DHRSX: variants seen among roughly 807,000 people sequenced by gnomAD.
DHRSX encodes polyprenol dehydrogenase.
In DHRSX, 31 loss-of-function variants were observed where a neutral mutation model predicts 34.0. That is an observed-to-expected ratio of 0.91 (90% CI 0.69 to 1.23). The LOEUF (loss-of-function observed/expected upper bound fraction) is 1.23. Among genes scored for constraint, DHRSX ranks in the 50% most tolerant of loss-of-function variants. The pLI, the probability that DHRSX is intolerant of heterozygous loss-of-function variation, is 0.00. For synonymous variants in DHRSX, 201 were observed against 183.8 expected (o/e 1.09, Z -0.76); for missense variants, 414 against 428.1 (o/e 0.97, Z 0.29).
chrX:2,343,493 AC>A (rs2042665209), intron 3 of DHRSX, among the ~76,000 whole-genome samples: 1 of 152,206 alleles, frequency 6.6e-6, no homozygotes, highest in Non-Finnish European at 1.5e-5. Flanking sequence ...TAAGGACACA[AC>A]CAAACACCCT....
At chrX:2,427,928 A>AT (rs1189604805) in intron 1 of DHRSX, among the ~76,000 whole-genome samples, 12 of 152,318 alleles carry the variant, frequency 7.9e-5, no homozygotes, top group African/African-American at 2.4e-4. Flanking sequence ...CACAGCCATG[A>AT]AAAGGAATGA....
At chrX:2,315,312 T>C (rs772361149) in intron 3 of DHRSX, among the ~76,000 whole-genome samples, 3 of 152,168 alleles carry the variant, frequency 2.0e-5, no homozygotes, top group African/African-American at 7.2e-5. Context: ...CCAGTCCAGT[T>C]TGGCAACAAA....
At chrX:2,390,109 A>G (rs2124620094) in intron 3 of DHRSX, among the ~76,000 whole-genome samples, 1 of 150,428 alleles carries the variant, frequency 6.6e-6, no homozygotes, top group African/African-American at 2.4e-5. Flanking sequence ...TTAATTGTGG[A>G]AAAATACACA....
chrX:2,365,584 T>C (rs1467590623), intron 3 of DHRSX, among the ~76,000 whole-genome samples: 2 of 152,150 alleles, frequency 1.3e-5, no homozygotes, highest in African/African-American at 2.4e-5. Flanking sequence ...AAATTTTACC[T>C]TGGGGCTACC....
At chrX:2,446,216 TA>T (rs1224202963) in intron 1 of DHRSX, among the ~76,000 whole-genome samples, 3 of 151,792 alleles carry the variant, frequency 2.0e-5, no homozygotes, top group Non-Finnish European at 2.9e-5. Flanking sequence ...ATGTACACAC[TA>T]AAAATGTTCC....
At chrX:2,465,691 C>A (rs2044482029) in intron 1 of DHRSX, among the ~76,000 whole-genome samples, 1 of 151,606 alleles carries the variant, frequency 6.6e-6, no homozygotes, top group African/African-American at 2.4e-5. Context: ...CACTTACAAT[C>A]CCAGCTACTC....
intron 1 of DHRSX, among the ~76,000 whole-genome samples, chrX:2,445,998 G>A (rs2044128144): frequency 1.3e-5 from 2 of 151,314 alleles, no homozygotes. Context: ...CCCTAAGAAT[G>A]CAGCCAAGGG....
chrX:2,308,533 G>A, intron 3 of DHRSX, among the ~76,000 whole-genome samples: 1 of 152,238 alleles, frequency 6.6e-6, no homozygotes, highest in South Asian at 2.1e-4. Context: ...GGAACAAGGA[G>A]GATCATCGCC....
intron 6 of DHRSX, among the ~76,000 whole-genome samples, chrX:2,240,430 G>A (rs2016114549): frequency 2.0e-5 from 3 of 151,910 alleles, no homozygotes; most frequent in Admixed American, 6.6e-5. Flanking sequence ...CATTGGGGGC[G>A]GGCAGCTCAT....
intron 3 of DHRSX, among the ~76,000 whole-genome samples, chrX:2,341,803 G>GT (rs1395546972): frequency 3.2e-5 from 1 of 31,330 alleles, no homozygotes; most frequent in Non-Finnish European, 1.1e-4. Flanking sequence ...AAGTTTTTTT[G>GT]TTTGTTTTGT....
In DHRSX at chrX:2,341,953, C is replaced by T. The variant is rs188919218; in HGVS notation, c.287-50350G>A. ...CCAAGTATCTGGGACTACAGATGCC[C>T]GCTACCACTCCCGGCTAATTTTTTG... On this transcript the variant is annotated intron_variant, in intron 3 of 6. Coordinates refer to ENST00000334651, the MANE Select transcript of DHRSX (RefSeq NM_145177.3). Among the ~76,000 whole-genome samples the T allele has an allele frequency of 6.2e-3, 948 of 152,144 alleles. 8 individuals are homozygous for T. Among genetic ancestry groups the T allele is most frequent in the Non-Finnish European group, 8.9e-3 (605 of 68,002 alleles).
intron 1 of DHRSX, among the ~76,000 whole-genome samples, chrX:2,427,279 G>A (rs1191768628): frequency 6.6e-6 from 1 of 152,206 alleles, no homozygotes; most frequent in Non-Finnish European, 1.5e-5. Context: ...CATGGAAGGA[G>A]GGAAGAGAGG....
intron 1 of DHRSX, among the ~76,000 whole-genome samples, chrX:2,496,154 T>G (rs1187787008): frequency 6.6e-6 from 1 of 152,222 alleles, no homozygotes; most frequent in Non-Finnish European, 1.5e-5. Context: ...GTATTACATA[T>G]TTCAAAATAG....
rs2043106746 is a variant in DHRSX, at chrX:2,373,650, GGTT to G, written c.286+35092_286+35094del. On this transcript the variant is annotated intron_variant, in intron 3 of 6. Coordinates refer to ENST00000334651, the MANE Select transcript of DHRSX (RefSeq NM_145177.3). ...TATCAGGTTGGAGAAAAGGGGAAGG[GGTT>G]GTTGTATCTGGAGCTGAAGTTTTCA... Among the ~76,000 whole-genome samples the G allele has an allele frequency of 2.0e-5, 3 of 152,260 alleles. No individual in the cohort carries two copies. The East Asian group carries it at 5.8e-4, about 29-fold the overall frequency.
chrX:2,408,752 G>A lies in DHRSX; in HGVS notation c.279C>T (p.Asn93=), dbSNP rs758628981. ...TGGAGTATCTCTCGGTACCTTTGTC[G>A]TTCAAGGTTTCTTCTTTTATTTTGC... ...VVSKIKEETL[N]DKVEFLYCDL... is the part of the protein sequence containing the mutation. Residue 93 remains asparagine (N), a synonymous_variant, in exon 3 of 7, where the codon AAC becomes AAT. Coordinates refer to ENST00000334651, the MANE Select transcript of DHRSX (RefSeq NM_145177.3). 27 of 1,610,370 alleles carry A rather than the reference G, an allele frequency of 1.7e-5. No individual in the cohort carries two copies. Among genetic ancestry groups the A allele is most frequent in the Admixed American group, 1.5e-4 (9 of 59,392 alleles).
chrX:2,234,778 C>A (rs759388586), intron 6 of DHRSX, among the ~76,000 whole-genome samples: 1 of 152,226 alleles, frequency 6.6e-6, no homozygotes, highest in South Asian at 2.1e-4. Context: ...TGGCACGATC[C>A]CGGCTTACTG....
chrX:2,327,673 C>T (rs1445863792), intron 3 of DHRSX, among the ~76,000 whole-genome samples: 13 of 152,266 alleles, frequency 8.5e-5, no homozygotes, highest in Non-Finnish European at 1.6e-4. Context: ...AAAGCCCTAA[C>T]GCCCAGGACC....
At chrX:2,456,487 G>A (rs1368934490) in intron 1 of DHRSX, among the ~76,000 whole-genome samples, 2 of 151,778 alleles carry the variant, frequency 1.3e-5, no homozygotes, top group Admixed American at 6.6e-5. Context: ...GGTGGCAGGT[G>A]CCTGTAATCC....
chrX:2,435,048 GGGGTTC>G, intron 1 of DHRSX, among the ~76,000 whole-genome samples: 2 of 150,406 alleles, frequency 1.3e-5, no homozygotes, highest in Non-Finnish European at 3.0e-5. Context: ...GTAATTCTCA[GGGGTTC>G]AGGACAGGAG....
Sources: gnomAD v4.1 joint callset for allele counts (sites outside exome capture counted in the v4.1 genomes callset) on GRCh38, gnomAD v4.1.1 for gene constraint, MANE v1.5 for transcripts, NCBI Gene and HGNC (gene_info 2026-07-23, HGNC 2026-07-21) for gene names.